SLC2A9: variants seen among roughly 807,000 people sequenced by gnomAD.
SLC2A9 encodes solute carrier family 2 member 9.
Under a neutral mutation model 50.6 loss-of-function variants are expected in SLC2A9, and 39 were observed. That is an observed-to-expected ratio of 0.77 (90% CI 0.60 to 1.01). The LOEUF is 1.01. SLC2A9 is among the 50% of genes least tolerant of loss of function. The pLI is 0.00. For synonymous variants in SLC2A9, 324 were observed against 276.9 expected (o/e 1.17, Z -1.69); for missense variants, 686 against 677.6 (o/e 1.01, Z -0.14).
At chr4:10,015,851 T>A (rs948294767) in intron 2 of SLC2A9, among the ~76,000 whole-genome samples, 7 of 152,238 alleles carry the variant, frequency 4.6e-5, no homozygotes, top group Admixed American at 2.0e-4. Context: ...CGTCTCTGTA[T>A]TTCTGAGAAT....
At chr4:9,992,867 C>T (rs963952949) in intron 3 of SLC2A9, among the ~76,000 whole-genome samples, 1 of 152,230 alleles carries the variant, frequency 6.6e-6, no homozygotes, top group Non-Finnish European at 1.5e-5. Flanking sequence ...AATTTGATCT[C>T]GTTCCACCCT....
intron 11 of SLC2A9, among the ~76,000 whole-genome samples, chr4:9,826,980 A>G (rs1725251765): frequency 6.6e-6 from 1 of 152,242 alleles, no homozygotes. Context: ...CAAGAATGAC[A>G]TCAAAAGGGA....
chr4:9,942,739 C>T (rs921525667), intron 5 of SLC2A9, among the ~76,000 whole-genome samples: 51 of 152,206 alleles, frequency 3.4e-4, no homozygotes, highest in South Asian at 6.2e-4. Context: ...CCAGAGCACA[C>T]GTTACGATGC....
At chr4:9,928,705 G>T (rs1422230075) in intron 6 of SLC2A9, among the ~76,000 whole-genome samples, 1 of 152,172 alleles carries the variant, frequency 6.6e-6, no homozygotes, top group Non-Finnish European at 1.5e-5. Context: ...CTGCACTCCC[G>T]CCTGGGTGAC....
In SLC2A9 at chr4:9,908,246, C is replaced by A. The variant is rs1741049532; in HGVS notation, c.1102G>T (p.Ala368Ser). Residue 368 changes from alanine to serine, a missense_variant, in exon 8 of 12, where the codon GCC becomes TCC. Physicochemically the swap from Ala to Ser is moderately conservative, Grantham distance 99. Coordinates refer to ENST00000264784, the MANE Select transcript of SLC2A9 (RefSeq NM_020041.3). ...CTCAGTTGACTTACAGAGAAGACGG[C>A]AGCCAAAGTCTCGATGCCCCCTGTA... is the stretch of plus-strand genomic sequence containing the variant. ...LSTGGIETLAAVFSGLVIEHL... is the reference protein window; with the variant it reads ...LSTGGIETLASVFSGLVIEHL... 1 of 1,612,850 alleles carries A rather than the reference C, an allele frequency of 6.2e-7. No individual in the cohort carries two copies. Among genetic ancestry groups the A allele is most frequent in the South Asian group, 1.1e-5 (1 of 91,040 alleles).
At chr4:9,874,166 G>T (rs1176064909) in intron 10 of SLC2A9, among the ~76,000 whole-genome samples, 1 of 152,052 alleles carries the variant, frequency 6.6e-6, no homozygotes, top group Non-Finnish European at 1.5e-5. Flanking sequence ...TCTGATGTCT[G>T]TCCTCTACTC....
At chr4:9,892,034 G>A (rs1335090241) in intron 8 of SLC2A9, among the ~76,000 whole-genome samples, 1 of 152,236 alleles carries the variant, frequency 6.6e-6, no homozygotes, top group Non-Finnish European at 1.5e-5. Context: ...AGGGACCCCA[G>A]TGCCCTCTAC....
At chr4:10,029,937 A>C (rs949323265) in intron 1 of SLC2A9, among the ~76,000 whole-genome samples, 1 of 152,082 alleles carries the variant, frequency 6.6e-6, no homozygotes, top group African/African-American at 2.4e-5. Context: ...TGGCTGGCAG[A>C]GATAAATTTT....
intron 11 of SLC2A9, among the ~76,000 whole-genome samples, chr4:9,829,432 G>C (rs185961732): frequency 4.3e-3 from 634 of 148,894 alleles, no homozygotes; most frequent in Non-Finnish European, 7.2e-3. Context: ...AATACCATTC[G>C]GGACATAGTC....
chr4:9,914,631 T>C (rs981642911), intron 7 of SLC2A9, among the ~76,000 whole-genome samples: 11 of 152,214 alleles, frequency 7.2e-5, no homozygotes, highest in African/African-American at 2.7e-4. Flanking sequence ...ACGTCCCCTC[T>C]CTGTGAGCTC....
At chr4:9,866,644 T>C (rs747447331) in intron 10 of SLC2A9, among the ~76,000 whole-genome samples, 25 of 152,208 alleles carry the variant, frequency 1.6e-4, no homozygotes, top group Middle Eastern at 3.4e-3. Flanking sequence ...GGCACATCCA[T>C]GGATACGGGG....
chr4:9,921,068 G>A (rs146641887), intron 6 of SLC2A9, among the ~76,000 whole-genome samples: 21 of 152,252 alleles, frequency 1.4e-4, no homozygotes, highest in African/African-American at 4.6e-4. Context: ...GCAGGTGTCC[G>A]GAGACCAGTA....
intron 7 of SLC2A9, among the ~76,000 whole-genome samples, chr4:9,914,618 C>G (rs1742517420): frequency 6.6e-6 from 1 of 152,218 alleles, no homozygotes; most frequent in African/African-American, 2.4e-5. Flanking sequence ...AATTGACCAT[C>G]TAACGTCCCC....
At chr4:9,957,435 T>C (rs1751500523) in intron 5 of SLC2A9, among the ~76,000 whole-genome samples, 2 of 152,112 alleles carry the variant, frequency 1.3e-5, no homozygotes, top group Non-Finnish European at 2.9e-5. Context: ...TCTTTTTAAA[T>C]ATGAATGGGA....
At chr4:9,822,225 C>A (rs1377401198), downstream of SLC2A9, among the ~76,000 whole-genome samples, 1 of 152,112 alleles carries the variant, frequency 6.6e-6, no homozygotes, top group Non-Finnish European at 1.5e-5. Context: ...TTCCAAAGAA[C>A]CAATTTTTGG....
At chr4:9,973,457 C>G (rs1474479858) in intron 5 of SLC2A9, among the ~76,000 whole-genome samples, 1 of 151,960 alleles carries the variant, frequency 6.6e-6, no homozygotes, top group Admixed American at 6.6e-5. Context: ...CAGCATAACA[C>G]CAATACCAAA....
intron 8 of SLC2A9, among the ~76,000 whole-genome samples, chr4:9,907,433 C>T (rs1740888506): frequency 2.0e-5 from 3 of 152,192 alleles, no homozygotes; most frequent in Admixed American, 1.3e-4. Context: ...GTTTGTTTTG[C>T]ATATTGGAGG....
chr4:9,830,750 T>C (rs776949974), intron 11 of SLC2A9, among the ~76,000 whole-genome samples: 1 of 152,132 alleles, frequency 6.6e-6, no homozygotes, highest in Non-Finnish European at 1.5e-5. Flanking sequence ...CACTCCACAC[T>C]GGAGAGTGTT....
intron 7 of SLC2A9, 80 bp from the exon 8 acceptor site, chr4:9,908,425 AG>A (rs1741089741): frequency 9.8e-7 from 1 of 1,019,872 alleles, no homozygotes; most frequent in African/African-American, 1.6e-5. Context: ...TTTGGGTATC[AG>A]GTGGTCTCTG....
Sources: gnomAD v4.1 joint callset for allele counts (sites outside exome capture counted in the v4.1 genomes callset) on GRCh38, gnomAD v4.1.1 for gene constraint, MANE v1.5 for transcripts, NCBI Gene and HGNC (gene_info 2026-07-23, HGNC 2026-07-21) for gene names.